Variants in PLXDC2 observed in about 807,000 individuals in gnomAD.
The protein encoded by PLXDC2 is plexin domain-containing protein 2.
Under a neutral mutation model 68.9 loss-of-function variants are expected in PLXDC2, and 40 were observed. The ratio of observed to expected loss-of-function variants is 0.58; its 90% CI spans 0.45 to 0.76. PLXDC2 has a LOEUF of 0.76. Among genes scored for constraint, PLXDC2 ranks in the 30% least tolerant of loss-of-function variants. The pLI, the probability that PLXDC2 is intolerant of heterozygous loss-of-function variation, is 0.00. For synonymous variants in PLXDC2, 243 were observed against 234.2 expected (o/e 1.04, Z -0.34); for missense variants, 644 against 661.9 (o/e 0.97, Z 0.30).
intron 13 of PLXDC2, among the ~76,000 whole-genome samples, chr10:20,277,768 C>T (rs1836027417): frequency 6.6e-6 from 1 of 152,144 alleles, no homozygotes; most frequent in African/African-American, 2.4e-5. Flanking sequence ...GTTTTGCTAT[C>T]AAATACTAAG....
intron 6 of PLXDC2, among the ~76,000 whole-genome samples, chr10:20,148,241 A>G (rs1301122497): frequency 6.8e-6 from 1 of 147,982 alleles, no homozygotes; most frequent in Non-Finnish European, 1.5e-5. Flanking sequence ...GTAAATGTTT[A>G]TATTTACGTA....
intron 7 of PLXDC2, among the ~76,000 whole-genome samples, chr10:20,169,019 A>ATC (rs1176445546): frequency 2.0e-5 from 3 of 152,126 alleles, no homozygotes; most frequent in Non-Finnish European, 2.9e-5. Flanking sequence ...ACTGTTAAAT[A>ATC]TCTGTCTAAA....
At chr10:19,845,428 C>A (rs907563854) in intron 1 of PLXDC2, among the ~76,000 whole-genome samples, 18 of 152,120 alleles carry the variant, frequency 1.2e-4, no homozygotes, top group African/African-American at 4.3e-4. Flanking sequence ...GAAAACTCTT[C>A]TTCTGAGTGT....
chr10:19,990,025 G>A (rs1834720172), intron 1 of PLXDC2, among the ~76,000 whole-genome samples: 1 of 152,026 alleles, frequency 6.6e-6, no homozygotes, highest in Non-Finnish European at 1.5e-5. Flanking sequence ...TGGGATTACA[G>A]GTGTGAGCCA....
intron 1 of PLXDC2, among the ~76,000 whole-genome samples, chr10:19,890,636 A>C (rs1837941194): frequency 7.1e-6 from 1 of 141,446 alleles, no homozygotes; most frequent in African/African-American, 2.6e-5. Flanking sequence ...CAGCATCCCA[A>C]AGTGCTGGGA....
At chr10:20,232,848 C>T (rs779699111) in intron 12 of PLXDC2, among the ~76,000 whole-genome samples, 60 of 152,024 alleles carry the variant, frequency 3.9e-4, no homozygotes, top group Non-Finnish European at 6.5e-4. Context: ...GCAAATTGTA[C>T]ATTTAAAATT....
At chr10:20,002,034 A>G (rs182369035) in intron 2 of PLXDC2, 48 bp downstream of exon 2, 1 of 1,550,134 alleles carries the variant, frequency 6.5e-7, no homozygotes, top group Non-Finnish European at 8.8e-7. Context: ...AATTTATTTC[A>G]TGTAGGTGCC....
At chr10:19,914,537 A>G (rs1380334346) in intron 1 of PLXDC2, among the ~76,000 whole-genome samples, 1 of 152,236 alleles carries the variant, frequency 6.6e-6, no homozygotes. Flanking sequence ...TGAAACGTTA[A>G]AGTTACTTCA....
intron 4 of PLXDC2, among the ~76,000 whole-genome samples, chr10:20,128,164 A>G (rs1437242799): frequency 6.6e-6 from 1 of 152,150 alleles, no homozygotes; most frequent in African/African-American, 2.4e-5. Flanking sequence ...AGGGCAGTCT[A>G]CCCAAAGACC....
chr10:19,848,794 T>C (rs1025863419), intron 1 of PLXDC2, among the ~76,000 whole-genome samples: 1 of 152,102 alleles, frequency 6.6e-6, no homozygotes, highest in Non-Finnish European at 1.5e-5. Context: ...GAAGTGATGC[T>C]GTTTGCCTGT....
At chr10:19,818,812 G>A (rs1444629099) in intron 1 of PLXDC2, among the ~76,000 whole-genome samples, 2 of 151,912 alleles carry the variant, frequency 1.3e-5, no homozygotes, top group African/African-American at 2.4e-5. Flanking sequence ...ACTTATTCAC[G>A]GTATGAATAG....
At chr10:19,817,866 G>T (rs985060086) in intron 1 of PLXDC2, among the ~76,000 whole-genome samples, 3 of 152,202 alleles carry the variant, frequency 2.0e-5, no homozygotes, top group Non-Finnish European at 4.4e-5. Flanking sequence ...CGCGCAGAGA[G>T]TTCCTTGGAG....
chr10:20,073,536 T>A (rs1038127373), intron 4 of PLXDC2, among the ~76,000 whole-genome samples: 1 of 152,212 alleles, frequency 6.6e-6, no homozygotes, highest in African/African-American at 2.4e-5. Flanking sequence ...AAAAATAGAA[T>A]CTTTGCCTAT....
In PLXDC2 at chr10:19,816,795, A is replaced by G; in HGVS notation, c.-285A>G. ...CGACAGTTTGCGAGCCTCGGCTGCAAGTGGCCTCTCCTCCCCGCGGTTGTT... is the reference window on the plus strand; with the variant it reads ...CGACAGTTTGCGAGCCTCGGCTGCAGGTGGCCTCTCCTCCCCGCGGTTGTT... On this transcript the variant is annotated 5_prime_UTR_variant, in exon 1 of 14. Transcript: ENST00000377252. 2.0e-6 allele frequency: 1 copy of G among 494,466 alleles called. No homozygotes were observed. Among genetic ancestry groups the G allele is most frequent in the Non-Finnish European group, 3.6e-6 (1 of 277,156 alleles). The allele number at this position is 494,466 out of a possible 1,614,324, so 30.6% of individuals were successfully genotyped here.
At chr10:20,182,071 T>TTGTGTGTGTGTG (rs111252782) in intron 9 of PLXDC2, among the ~76,000 whole-genome samples, 18,241 of 146,304 alleles carry the variant, frequency 0.12, 1,375 homozygotes, top group East Asian at 0.29. Context: ...AACCGGTTAT[T>TTGTGTGTGTGTG]TGTGTGTGTG....
chr10:19,837,545 A>G (rs554045456), intron 1 of PLXDC2, among the ~76,000 whole-genome samples: 4 of 152,180 alleles, frequency 2.6e-5, no homozygotes, highest in African/African-American at 7.2e-5. Context: ...TAATTTTACA[A>G]TATTTATGGG....
chr10:20,215,449 T>C (rs1427875814), intron 10 of PLXDC2, among the ~76,000 whole-genome samples: 1 of 151,996 alleles, frequency 6.6e-6, no homozygotes, highest in Non-Finnish European at 1.5e-5. Context: ...AATGTCAGGA[T>C]GCATTGGGGA....
chr10:19,839,942 A>G (rs1345739966), intron 1 of PLXDC2, among the ~76,000 whole-genome samples: 1 of 152,224 alleles, frequency 6.6e-6, no homozygotes, highest in Non-Finnish European at 1.5e-5. Context: ...CATCGTTTGA[A>G]TAGGTTGGCA....
At chr10:20,148,064 T>G (rs898291767) in intron 6 of PLXDC2, among the ~76,000 whole-genome samples, 162 bp downstream of exon 6, 1 of 152,188 alleles carries the variant, frequency 6.6e-6, no homozygotes. Context: ...TAGTTTTAAT[T>G]TTCTGGGTGC....
Sources: gnomAD v4.1 joint callset for allele counts (sites outside exome capture counted in the v4.1 genomes callset) on GRCh38, gnomAD v4.1.1 for gene constraint, MANE v1.5 for transcripts, NCBI Gene and HGNC (gene_info 2026-07-23, HGNC 2026-07-21) for gene names.